The following COX19 variants were observed in gnomAD, a reference collection of about 807,000 sequenced individuals.
COX19 encodes cytochrome c oxidase assembly protein COX19.
COX19 carries 8 observed loss-of-function variants against 6.8 expected under a neutral mutation model. The ratio of observed to expected loss-of-function variants is 1.18; its 90% confidence interval spans 0.69 to 2.12. The LOEUF (loss-of-function observed/expected upper bound fraction) is 2.12, where lower values mean the gene tolerates loss of function less well. COX19 is among the 30% of genes most tolerant of loss of function. COX19 has a pLI of 0.00. For missense variants in COX19, 131 were observed against 104.6 expected (o/e 1.25, Z -1.10); for synonymous variants, 51 against 38.0 (o/e 1.34, Z -1.26).
At chr7:973,687 T>C (rs1583204316) in intron 1 of COX19, among the ~76,000 whole-genome samples, 1 of 151,482 alleles carries the variant, frequency 6.6e-6, no homozygotes, top group East Asian at 1.9e-4. Context: ...TAATCCAGGC[T>C]GGGCACGGTG....
rs1847555989 is a variant in COX19, at chr7:966,432, G to C, written c.*2946C>G. ...GCCTCCTAAAGTGCTGGGATTGCAG[G>C]CGTGAGCCGCTGCGCCCAGCCTGTT... On this transcript the variant is annotated 3_prime_UTR_variant, in exon 3 of 3. Transcript: ENST00000344111. 2 of 152,320 alleles carry C rather than the reference G, an allele frequency of 1.3e-5. No homozygotes were observed. Among genetic ancestry groups the C allele is most frequent in the South Asian group, 4.1e-4 (2 of 4,842 alleles). The allele number at this position is 152,320 out of a possible 1,614,324, so 9.4% of individuals were successfully genotyped here.
intron 1 of COX19, chr7:975,139 C>T (rs1415984376): frequency 5.3e-6 from 2 of 375,452 alleles, no homozygotes. Flanking sequence ...AAACCCGGGG[C>T]ACAGACAGCC....
rs1178452097 is a variant in COX19, at chr7:966,698, A to G, written c.*2680T>C. The stretch of plus-strand genomic sequence containing the variant: ...GAAGCATTTGTGCACAGCCCCTCAC[A>G]ACAGTCCCCCTTACACACGGTTTCA... On this transcript the variant is annotated 3_prime_UTR_variant, in exon 3 of 3. Transcript: ENST00000344111. The G allele has an allele frequency of 6.6e-6, 1 of 152,260 alleles. No individual in the cohort carries two copies. The highest frequency in any genetic ancestry group is 1.5e-5 in the Non-Finnish European group (1 of 68,080). 9.4% of individuals were successfully genotyped at this position (152,260 alleles called of 1,614,324 possible). A position where few individuals can be genotyped will look rare whatever the true frequency, so the allele number is the denominator to read the frequency against.
chr7:969,149 G>T lies in COX19; in HGVS notation c.*229C>A. The stretch of plus-strand genomic sequence containing the variant: ...TTGCCCCACGCTCGCCTCCCTCCCA[G>T]CTTTGCCGGGAACGCCGTCCCACTC... On this transcript the variant is annotated 3_prime_UTR_variant, in exon 3 of 3. Transcript: ENST00000344111. 1 of 500,566 alleles carries T rather than the reference G, an allele frequency of 2.0e-6. No homozygotes were observed. The highest frequency in any genetic ancestry group is 3.5e-6 in the Non-Finnish European group (1 of 281,862). The allele number at this position is 500,566 out of a possible 1,614,324, so 31.0% of individuals were successfully genotyped here. A position where few individuals can be genotyped will look rare whatever the true frequency, so the allele number is the denominator to read the frequency against.
Position 969,397 on chromosome 7 carries a change from T to G in COX19, c.254A>C (p.Lys85Thr). The change falls in exon 3 of 3, where the codon AAA becomes ACA. Residue 85 changes from lysine to threonine, a missense_variant. Physicochemically the swap from Lys to Thr is moderately conservative, Grantham distance 78 (BLOSUM62 -1). Coordinates refer to ENST00000344111, the MANE Select transcript of COX19 (RefSeq NM_001031617.3). Reference protein sequence around the residue: ...KLGFGDLTSGKSEAKK With the variant: ...KLGFGDLTSGTSEAKK ...CAAAATTCATTTTTTTGCCTCTGAT[T>G]TTCCACTAGTCAAGTCTCCAAATCC... is the stretch of plus-strand genomic sequence containing the variant. 1 of 1,610,152 alleles carries G rather than the reference T, an allele frequency of 6.2e-7. No individual in the cohort carries two copies. The highest frequency in any genetic ancestry group is 1.7e-5 in the Admixed American group (1 of 60,022).
In COX19 at chr7:975,449, T is replaced by C. The variant is rs759188085; in HGVS notation, c.61A>G (p.Ser21Gly). The change falls in exon 1 of 3, where the codon AGC becomes GGC. Residue 21 changes from serine to glycine, a missense_variant. Coordinates refer to ENST00000344111, the MANE Select transcript of COX19 (RefSeq NM_001031617.3). ...TCACCTAAGTGATCCAGCGGGAAGC[T>C]GCCCTTGTCCGGGGGCCGCGGCTGG... ...SFQPRPPDKG[S>G]FPLDHLGECK... is the part of the protein sequence containing the mutation. The C allele has an allele frequency of 7.5e-6, 12 of 1,599,426 alleles. No individual in the cohort carries two copies. In the South Asian group the frequency reaches 1.3e-4, roughly 18 times the overall value.
rs750602655 is a variant in COX19, at chr7:968,038, G to C, written c.*1340C>G. ...TCAACTAGCGGTGATATGTTAATAC[G>C]TCTGCAGCACTCAGAGGCCTGACAG... On this transcript the variant is annotated 3_prime_UTR_variant, in exon 3 of 3. Coordinates refer to ENST00000344111, the MANE Select transcript of COX19 (RefSeq NM_001031617.3). 1.3e-5 allele frequency: 2 copies of C among 152,274 alleles called. No homozygotes were observed. Among genetic ancestry groups the C allele is most frequent in the African/African-American group, 2.4e-5 (1 of 41,464 alleles). The allele number at this position is 152,274 out of a possible 1,614,324, so 9.4% of individuals were successfully genotyped here.
In COX19 at chr7:965,203, T is replaced by G. The variant is rs1847533651; in HGVS notation, c.*4175A>C. ...AAGTTATTTTGAAACGAGAATCGAC[T>G]CAATCTATTCCACTATAGTTTCATA... is the stretch of plus-strand genomic sequence containing the variant. On this transcript the variant is annotated 3_prime_UTR_variant, in exon 3 of 3. Transcript: ENST00000344111. Among the ~76,000 whole-genome samples, 1 of 152,244 alleles carries G rather than the reference T, an allele frequency of 6.6e-6. No individual in the cohort carries two copies. Among genetic ancestry groups the G allele is most frequent in the Admixed American group, 6.5e-5 (1 of 15,284 alleles).
rs1847656221 is a variant in COX19, at chr7:972,990, G to A, written c.194+191C>T. 1.1e-5 allele frequency: 4 copies of A among 375,396 alleles called. No individual in the cohort carries two copies. The South Asian group carries it at 2.7e-4, about 26-fold the overall frequency. The allele number at this position is 375,396 out of a possible 1,614,324, so 23.3% of individuals were successfully genotyped here. The stretch of plus-strand genomic sequence containing the variant: ...CTATCGCTCAAGAAGAGGTTCCCAA[G>A]ATTGTGAAACAGCTTTTGGTACAAT... On this transcript the variant is annotated intron_variant, in intron 2 of 2. Transcript: ENST00000344111.
rs1847563619 is a variant in COX19, at chr7:966,978, CCAGAA to C, written c.*2395_*2399del. 1 of 152,072 alleles carries C rather than the reference CCAGAA, an allele frequency of 6.6e-6. No homozygotes were observed. Among genetic ancestry groups the C allele is most frequent in the African/African-American group, 2.4e-5 (1 of 41,356 alleles). The allele number at this position is 152,072 out of a possible 1,614,324, so 9.4% of individuals were successfully genotyped here. A position where few individuals can be genotyped will look rare whatever the true frequency, so the allele number is the denominator to read the frequency against. On this transcript the variant is annotated 3_prime_UTR_variant, in exon 3 of 3. Coordinates refer to ENST00000344111, the MANE Select transcript of COX19 (RefSeq NM_001031617.3). ...GCTTTTATTTTACTTAAGAATGGCC[CCAGAA>C]CAGGACAGTGGTGATGCTGGCGACT...
At chr7:971,838 TCCAG>T (rs1847640950) in intron 2 of COX19, among the ~76,000 whole-genome samples, 1 of 152,150 alleles carries the variant, frequency 6.6e-6, no homozygotes, top group South Asian at 2.1e-4. Context: ...GCCACTGCGC[TCCAG>T]CCCAGGCGAC....
At chr7:975,397 G>C in intron 1 of COX19, 31 bp downstream of exon 1, 2 of 1,538,844 alleles carry the variant, frequency 1.3e-6, no homozygotes, top group Non-Finnish European at 1.8e-6. Context: ...CCCCATCGCA[G>C]ACCCCTGCCC....
intron 1 of COX19, 66 bp from the exon 2 acceptor site, chr7:973,358 T>C: frequency 6.7e-7 from 1 of 1,482,236 alleles, no homozygotes; most frequent in Non-Finnish European, 9.0e-7. Flanking sequence ...CACAACAGCC[T>C]TAAGAGCTGC....
chr7:973,843 G>A (rs1434882331), intron 1 of COX19, among the ~76,000 whole-genome samples: 1 of 151,698 alleles, frequency 6.6e-6, no homozygotes, highest in Admixed American at 6.6e-5. Context: ...GCGGGTGTCT[G>A]TAGTCCCAGC....
At chr7:970,137 A>G (rs996336167) in intron 2 of COX19, among the ~76,000 whole-genome samples, 1 of 151,644 alleles carries the variant, frequency 6.6e-6, no homozygotes, top group Non-Finnish European at 1.5e-5. Flanking sequence ...TGCGTGGCTA[A>G]TTTCTTTTTT....
intron 1 of COX19, chr7:975,160 G>A (rs1847687602): frequency 4.9e-6 from 2 of 406,186 alleles, no homozygotes; most frequent in East Asian, 3.9e-5. Context: ...CGCCGGGTGA[G>A]TCAGGGCGGA....
Position 967,216 on chromosome 7 carries a change from A to C in COX19, c.*2162T>G, listed in dbSNP as rs1454895078. 1 of 152,098 alleles carries C rather than the reference A, an allele frequency of 6.6e-6. No homozygotes were observed. The highest frequency in any genetic ancestry group is 1.5e-5 in the Non-Finnish European group (1 of 68,040). The allele number at this position is 152,098 out of a possible 1,614,324, so 9.4% of individuals were successfully genotyped here. On this transcript the variant is annotated 3_prime_UTR_variant, in exon 3 of 3. Coordinates refer to ENST00000344111, the MANE Select transcript of COX19 (RefSeq NM_001031617.3). ...TTGATCACAGGTACGTACAGGAAAA[A>C]ACAGCGCCTGGACAGGATTCGGGAC...
rs60977172 is a variant in COX19, at chr7:965,192, C to T, written c.*4186G>A. 5.6e-4 allele frequency among the ~76,000 whole-genome samples: 86 copies of T among 152,286 alleles called. No individual in the cohort carries two copies. Among genetic ancestry groups the T allele is most frequent in the African/African-American group, 1.9e-3 (81 of 41,552 alleles). ...GAAACTCTTTGAAGTTATTTTGAAACGAGAATCGACTCAATCTATTCCACT... is the reference window on the plus strand; with the variant it reads ...GAAACTCTTTGAAGTTATTTTGAAATGAGAATCGACTCAATCTATTCCACT... On this transcript the variant is annotated 3_prime_UTR_variant, in exon 3 of 3. Transcript: ENST00000344111.
intron 1 of COX19, 32 bp downstream of exon 1, chr7:975,396 A>G (rs1463721656): frequency 3.9e-6 from 6 of 1,534,772 alleles, no homozygotes; most frequent in Non-Finnish European, 5.3e-6. Flanking sequence ...CCCCCATCGC[A>G]GACCCCTGCC....
Sources: allele counts gnomAD v4.1 joint callset (sites outside exome capture counted in the v4.1 genomes callset), GRCh38; gene constraint gnomAD v4.1.1; transcripts MANE v1.5; gene names NCBI Gene and HGNC (gene_info 2026-07-23, HGNC 2026-07-21).